CPLX4: variants seen among roughly 807,000 people sequenced by gnomAD.
The protein encoded by CPLX4 is complexin 4.
CPLX4 carries 17 observed loss-of-function variants against 16.1 expected under a neutral mutation model. The ratio of observed to expected loss-of-function variants is 1.06; its 90% confidence interval spans 0.72 to 1.59. The LOEUF is 1.59. Among genes scored for constraint, CPLX4 ranks in the 40% most tolerant of loss-of-function variants. The pLI, the probability that CPLX4 is intolerant of heterozygous loss-of-function variation, is 0.00. For missense variants in CPLX4, 193 were observed against 192.9 expected (o/e 1.00, Z 0.00); for synonymous variants, 55 against 57.8 (o/e 0.95, Z 0.22).
Position 59,296,164 on chromosome 18 carries a change from T to C in CPLX4, c.*534A>G, listed in dbSNP as rs2070498955. 1 of 161,294 alleles carries C rather than the reference T, an allele frequency of 6.2e-6. No homozygotes were observed. Among genetic ancestry groups the C allele is most frequent in the Non-Finnish European group, 1.3e-5 (1 of 75,860 alleles). The allele number at this position is 161,294 out of a possible 1,614,324, so 10.0% of individuals were successfully genotyped here. On this transcript the variant is annotated 3_prime_UTR_variant, in exon 3 of 3. Transcript: ENST00000299721. ...CAAGGACCAAAGGATCCAAGCATAC[T>C]TGATGAGTATCATTGACAAATTCAA...
At position 59,308,731 on chromosome 18, in the gene CPLX4, C is replaced by T. The variant is rs567632590; in HGVS notation, c.255+3954G>A. Among the ~76,000 whole-genome samples, 3 of 152,260 alleles carry T rather than the reference C, an allele frequency of 2.0e-5. No individual in the cohort carries two copies. The South Asian group carries it at 6.2e-4, about 32-fold the overall frequency. The stretch of plus-strand genomic sequence containing the variant: ...ACCGCTGCGCCCTCCTTGCTCCAGC[C>T]AGGATCTGGCTTGGACGGGAGCGGC... On this transcript the variant is annotated intron_variant, in intron 2 of 2. Coordinates refer to ENST00000299721, the MANE Select transcript of CPLX4 (RefSeq NM_181654.4).
chr18:59,308,892 C>T (rs571481254), intron 2 of CPLX4, among the ~76,000 whole-genome samples: 12 of 152,296 alleles, frequency 7.9e-5, no homozygotes, highest in African/African-American at 2.9e-4. Flanking sequence ...GGGAGGGTAA[C>T]GTGCGACAAG....
At chr18:59,317,187 C>T (rs1270128795) in intron 1 of CPLX4, among the ~76,000 whole-genome samples, 1 of 152,128 alleles carries the variant, frequency 6.6e-6, no homozygotes, top group African/African-American at 2.4e-5. Flanking sequence ...TTTGTTTCCT[C>T]CAGGTCATTA....
intron 2 of CPLX4, among the ~76,000 whole-genome samples, chr18:59,298,721 C>G (rs772098903): frequency 6.6e-5 from 10 of 152,118 alleles, no homozygotes; most frequent in Non-Finnish European, 7.4e-5. Flanking sequence ...AAACAGCACA[C>G]CAGGTAACCT....
intron 2 of CPLX4, among the ~76,000 whole-genome samples, chr18:59,307,708 T>A (rs1336011324): frequency 1.3e-5 from 2 of 151,374 alleles, no homozygotes; most frequent in Non-Finnish European, 2.9e-5. Flanking sequence ...ATGAAGCATC[T>A]AGGAGACAAA....
intron 2 of CPLX4, among the ~76,000 whole-genome samples, chr18:59,298,454 T>A (rs1486682919): frequency 6.6e-6 from 1 of 152,164 alleles, no homozygotes; most frequent in East Asian, 1.9e-4. Context: ...TCAGAAAAGC[T>A]AATGAGAGGA....
rs535702911 is a variant in CPLX4 at position 59,301,395 on chromosome 18, C to T, written c.256-4470G>A. Among the ~76,000 whole-genome samples the T allele has an allele frequency of 1.4e-4, 21 of 152,334 alleles. No homozygotes were observed. The South Asian group carries it at 4.2e-3, about 30-fold the overall frequency. ...GTCCAAAGGCAGCAATGGGTGTACT[C>T]GATGGCTGTGGTCAGAGAGTCCTGC... is the stretch of plus-strand genomic sequence containing the variant. On this transcript the variant is annotated intron_variant, in intron 2 of 2. Coordinates refer to ENST00000299721, the MANE Select transcript of CPLX4 (RefSeq NM_181654.4).
intron 2 of CPLX4, among the ~76,000 whole-genome samples, chr18:59,300,966 C>T (rs969639260): frequency 7.9e-5 from 12 of 152,214 alleles, no homozygotes; most frequent in African/African-American, 2.7e-4. Flanking sequence ...TTGTCAGGCC[C>T]GCCCCTGACT....
At chr18:59,299,559 A>T (rs1164817424) in intron 2 of CPLX4, among the ~76,000 whole-genome samples, 1 of 152,156 alleles carries the variant, frequency 6.6e-6, no homozygotes, top group African/African-American at 2.4e-5. Context: ...CCTCCCATTC[A>T]CAGGGAGACT....
At chr18:59,309,476 G>A (rs958244709) in intron 2 of CPLX4, among the ~76,000 whole-genome samples, 1 of 152,060 alleles carries the variant, frequency 6.6e-6, no homozygotes, top group African/African-American at 2.4e-5. Flanking sequence ...ATTTTTTTAA[G>A]CCACGTGGAA....
chr18:59,306,160 G>GGGA (rs2070575733), intron 2 of CPLX4, among the ~76,000 whole-genome samples: 1 of 152,158 alleles, frequency 6.6e-6, no homozygotes, highest in Non-Finnish European at 1.5e-5. Context: ...TGTTTTAGAT[G>GGGA]GGAGAGATTT....
At chr18:59,313,352 A>T (rs1169116571) in intron 1 of CPLX4, among the ~76,000 whole-genome samples, 1 of 152,194 alleles carries the variant, frequency 6.6e-6, no homozygotes, top group Non-Finnish European at 1.5e-5. Context: ...TTTTCTTCCC[A>T]GTTTGGAAGG....
rs2070665280 is a variant in CPLX4, at chr18:59,318,400, C to T, written c.63G>A (p.Gly21=). 5 of 1,613,838 alleles carry T rather than the reference C, an allele frequency of 3.1e-6. No homozygotes were observed. The highest frequency in any genetic ancestry group is 1.3e-5 in the African/African-American group (1 of 75,016). The change falls in exon 1 of 3, where the codon GGG becomes GGA. Residue 21 remains glycine, a synonymous_variant. Transcript: ENST00000299721. Reference sequence around the variant, plus strand: ...CTCCTTCTTCTTTATTTTCTTCAGACCCACCACCAAATCCTAAATTCTTTA... The same window carrying T: ...CTCCTTCTTCTTTATTTTCTTCAGATCCACCACCAAATCCTAAATTCTTTA... ...NQVKNLGFGG[G]SEENKEEGGA... is the part of the protein sequence containing the mutation.
intron 2 of CPLX4, among the ~76,000 whole-genome samples, chr18:59,298,713 A>C (rs2070519782): frequency 6.6e-6 from 1 of 152,130 alleles, no homozygotes; most frequent in South Asian, 2.1e-4. Context: ...CTAGGTCCAA[A>C]CAGCACACCA....
At position 59,296,604 on chromosome 18, in the gene CPLX4, T is replaced by G; in HGVS notation, c.*94A>C. On this transcript the variant is annotated 3_prime_UTR_variant, in exon 3 of 3. Coordinates refer to ENST00000299721, the MANE Select transcript of CPLX4 (RefSeq NM_181654.4). ...ATCATCGTGGTTTTCCTAACTGTGT[T>G]CACTACATTAAAACATGTACTGCTT... 1 of 1,362,920 alleles carries G rather than the reference T, an allele frequency of 7.3e-7. No homozygotes were observed. The highest frequency in any genetic ancestry group is 1.0e-6 in the Non-Finnish European group (1 of 986,938). 84.4% of individuals were successfully genotyped at this position (1,362,920 alleles called of 1,614,324 possible).
chr18:59,305,230 C>T (rs763056800), intron 2 of CPLX4, among the ~76,000 whole-genome samples: 8 of 151,806 alleles, frequency 5.3e-5, no homozygotes, highest in South Asian at 2.1e-4. Context: ...GAGCAGGGAA[C>T]GAAGCAGGAG....
intron 2 of CPLX4, among the ~76,000 whole-genome samples, chr18:59,308,332 G>T (rs1406379494): frequency 3.3e-5 from 5 of 152,208 alleles, no homozygotes; most frequent in African/African-American, 1.2e-4. Flanking sequence ...GATTGCTGTC[G>T]TTTCAGAATC....
At chr18:59,316,831 T>C (rs922649789) in intron 1 of CPLX4, among the ~76,000 whole-genome samples, 1 of 152,188 alleles carries the variant, frequency 6.6e-6, no homozygotes, top group Non-Finnish European at 1.5e-5. Flanking sequence ...TTTTGCATGC[T>C]CACAACTGTA....
At chr18:59,318,180 C>T (rs981383717) in intron 1 of CPLX4, 116 bp downstream of exon 1, 31 of 1,443,284 alleles carry the variant, frequency 2.1e-5, no homozygotes, top group African/African-American at 8.5e-5. Flanking sequence ...TAGAGGTAAA[C>T]GGCAAAAGGA....
Sources: allele counts gnomAD v4.1 joint callset (sites outside exome capture counted in the v4.1 genomes callset), GRCh38; gene constraint gnomAD v4.1.1; transcripts MANE v1.5; gene names NCBI Gene and HGNC (gene_info 2026-07-23, HGNC 2026-07-21).